The following PRKG1 variants were observed in gnomAD, a reference collection of about 807,000 sequenced individuals.
PRKG1 encodes protein kinase cGMP-dependent 1.
PRKG1 carries 35 observed loss-of-function variants against 88.1 expected under a neutral mutation model. That is an observed-to-expected ratio of 0.40 (90% CI 0.30 to 0.53). The LOEUF (loss-of-function observed/expected upper bound fraction) is 0.53. Among genes scored for constraint, PRKG1 ranks in the 20% least tolerant of loss-of-function variants. The pLI, the probability that PRKG1 is intolerant of heterozygous loss-of-function variation, is 0.59. For missense variants in PRKG1, 540 were observed against 839.8 expected, an observed-to-expected ratio of 0.64 and a Z score of 4.41; for synonymous variants, 303 against 292.5, an observed-to-expected ratio of 1.04 and a Z score of -0.37.
chr10:51,831,955 G>A (rs539756555), intron 4 of PRKG1, among the ~76,000 whole-genome samples: 18 of 152,098 alleles, frequency 1.2e-4, no homozygotes, highest in African/African-American at 1.9e-4. Flanking sequence ...TTATTTTTCC[G>A]TATATGTATA....
chr10:51,013,269 C>A (rs147150306), intron 1 of PRKG1, among the ~76,000 whole-genome samples: 46 of 152,326 alleles, frequency 3.0e-4, no homozygotes, highest in African/African-American at 1.1e-3. Context: ...TAGAACAATG[C>A]TTGCAGTTAT....
intron 2 of PRKG1, among the ~76,000 whole-genome samples, chr10:51,395,347 G>A (rs1172025483): frequency 1.3e-5 from 2 of 152,196 alleles, no homozygotes; most frequent in African/African-American, 4.8e-5. Flanking sequence ...CTTAGATCAG[G>A]TTTCTGAAGG....
rs374548210 is a variant in PRKG1, at chr10:51,450,019, A to T, written c.479-17704A>T. ...ATTTAGAGATATTTAAATTCAAAAG[A>T]TAAATGATTTAGGACATGTTTGGAA... On this transcript the variant is annotated intron_variant, in intron 2 of 17. Coordinates refer to ENST00000373980, the MANE Select transcript of PRKG1 (RefSeq NM_006258.4). 3.1e-4 allele frequency among the ~76,000 whole-genome samples: 47 copies of T among 152,148 alleles called. 1 individual carries two copies. The South Asian group carries it at 8.9e-3, about 29-fold the overall frequency.
intron 1 of PRKG1, among the ~76,000 whole-genome samples, chr10:51,084,969 A>G (rs1265954280): frequency 6.6e-6 from 1 of 152,274 alleles, no homozygotes; most frequent in Non-Finnish European, 1.5e-5. Context: ...TCTTCTGGAT[A>G]TACTGTACAT....
intron 3 of PRKG1, among the ~76,000 whole-genome samples, chr10:51,540,603 G>C (rs1221571110): frequency 6.6e-6 from 1 of 151,846 alleles, no homozygotes; most frequent in African/African-American, 2.4e-5. Flanking sequence ...TGTATGTCAG[G>C]GAAATTTCAC....
intron 5 of PRKG1, chr10:51,909,701 G>A (rs189379105): frequency 3.3e-5 from 5 of 152,264 alleles, no homozygotes; most frequent in East Asian, 1.9e-4. Flanking sequence ...GAATGAAGAG[G>A]GACCAGGAAA....
At chr10:51,175,309 A>G (rs181782707) in intron 2 of PRKG1, among the ~76,000 whole-genome samples, 7 of 152,102 alleles carry the variant, frequency 4.6e-5, no homozygotes, top group Admixed American at 2.6e-4. Context: ...GTGTATAAGT[A>G]TATATACACA....
At chr10:51,515,195 C>T (rs928719932) in intron 3 of PRKG1, among the ~76,000 whole-genome samples, 24 of 152,274 alleles carry the variant, frequency 1.6e-4, no homozygotes, top group Middle Eastern at 3.4e-3. Context: ...ATTTAGGTTA[C>T]ATTAACAACC....
At chr10:51,908,734 A>ATATATATATTTTTTTT (rs563212069) in intron 5 of PRKG1, 3 of 52,236 alleles carry the variant, frequency 5.7e-5, no homozygotes, top group South Asian at 4.7e-4. Flanking sequence ...TCTATATGTA[A>ATATATATATTTTTTTT]TTTTTTTTTT....
chr10:51,093,649 G>A (rs1340682253), intron 1 of PRKG1, among the ~76,000 whole-genome samples: 1 of 147,256 alleles, frequency 6.8e-6, no homozygotes, highest in Non-Finnish European at 1.5e-5. Context: ...CATTTTGTGA[G>A]GGTGTACATT....
intron 4 of PRKG1, among the ~76,000 whole-genome samples, chr10:51,871,508 G>A (rs987156936): frequency 1.1e-4 from 17 of 152,126 alleles, no homozygotes; most frequent in Non-Finnish European, 1.8e-4. Context: ...CAAATTCTGT[G>A]GTATCTCCAG....
chr10:51,141,596 T>C (rs1422173421), intron 1 of PRKG1, among the ~76,000 whole-genome samples: 1 of 152,182 alleles, frequency 6.6e-6, no homozygotes, highest in East Asian at 1.9e-4. Flanking sequence ...AAATATTAAC[T>C]ATTTACTACT....
chr10:51,419,076 A>AT (rs533058243), intron 2 of PRKG1, among the ~76,000 whole-genome samples: 80 of 152,142 alleles, frequency 5.3e-4, no homozygotes, highest in East Asian at 5.2e-3. Context: ...TAAAAATTGT[A>AT]TTTTTTTCAC....
chr10:52,216,293 A>C (rs1840108874), intron 9 of PRKG1, among the ~76,000 whole-genome samples: 1 of 152,186 alleles, frequency 6.6e-6, no homozygotes, highest in Non-Finnish European at 1.5e-5. Flanking sequence ...AGTGACACTA[A>C]GCTTCTCACT....
intron 3 of PRKG1, among the ~76,000 whole-genome samples, chr10:51,628,008 C>CTCTCTTTCTT (rs1554826926): frequency 2.0e-5 from 1 of 50,440 alleles, no homozygotes; most frequent in African/African-American, 6.3e-5. Flanking sequence ...CTCTCTCTCT[C>CTCTCTTTCTT]TCTTTCTTTC....
At chr10:52,001,400 A>G (rs966155654) in intron 5 of PRKG1, among the ~76,000 whole-genome samples, 2 of 151,844 alleles carry the variant, frequency 1.3e-5, no homozygotes, top group African/African-American at 4.8e-5. Context: ...GGTGATGCAT[A>G]TGTTAATTAG....
At chr10:51,094,816 GGTTTATAGACCTTACA>G (rs1844490715) in intron 1 of PRKG1, among the ~76,000 whole-genome samples, 1 of 151,936 alleles carries the variant, frequency 6.6e-6, no homozygotes, top group African/African-American at 2.4e-5. Context: ...TATGTGTAAG[GGTTTATAGACCTTACA>G]GTTTATAAGC....
At chr10:51,696,797 T>C (rs1841304989) in intron 3 of PRKG1, 1 of 152,122 alleles carries the variant, frequency 6.6e-6, no homozygotes, top group African/African-American at 2.4e-5. Flanking sequence ...TTCCACTACT[T>C]ATGAAAAGTC....
chr10:51,979,631 T>TA (rs1170548284), intron 5 of PRKG1, among the ~76,000 whole-genome samples: 1 of 147,362 alleles, frequency 6.8e-6, no homozygotes, highest in African/African-American at 2.5e-5. Context: ...TTTTTTTTTT[T>TA]TAAGGTTGGT....
Sources: gnomAD v4.1 joint callset for allele counts (sites outside exome capture counted in the v4.1 genomes callset) on GRCh38, gnomAD v4.1.1 for gene constraint, MANE v1.5 for transcripts, NCBI Gene and HGNC (gene_info 2026-07-23, HGNC 2026-07-21) for gene names.